RANBP2: variants seen among roughly 807,000 people sequenced by gnomAD.
RANBP2 encodes RAN binding protein 2.
Under a neutral mutation model 303.6 loss-of-function variants are expected in RANBP2, and 57 were observed. That is an observed-to-expected ratio of 0.19 (90% CI 0.15 to 0.23). The LOEUF is 0.23. Among genes scored for constraint, RANBP2 ranks in the 10% least tolerant of loss-of-function variants. The pLI, the probability that RANBP2 is intolerant of heterozygous loss-of-function variation, is 1.00. For missense variants in RANBP2, 3,138 were observed against 3,780.8 expected (o/e 0.83, Z 4.46); for synonymous variants, 1,167 against 1,301.5 (o/e 0.90, Z 2.23).
At chr2:109,087,021 C>T in the RANBP2 span, among the ~76,000 whole-genome samples, 1 of 152,170 alleles carries the variant, frequency 6.6e-6, no homozygotes, top group African/African-American at 2.4e-5. Flanking sequence ...GTTAAGAAGT[C>T]TTTTGAAAGC....
At chr2:109,192,010 C>T in the RANBP2 span, among the ~76,000 whole-genome samples, 1 of 152,160 alleles carries the variant, frequency 6.6e-6, no homozygotes, top group Non-Finnish European at 1.5e-5. Context: ...CACCTCAACC[C>T]CTGCAGTCAT....
chr2:109,335,021 G>A, the RANBP2 span, among the ~76,000 whole-genome samples: 7 of 152,366 alleles, frequency 4.6e-5, no homozygotes, highest in East Asian at 9.7e-4. Flanking sequence ...CCGCGTTGGC[G>A]ACTTACATGT....
chr2:109,063,394 G>A, the RANBP2 span, among the ~76,000 whole-genome samples: 1 of 152,096 alleles, frequency 6.6e-6, no homozygotes, highest in Non-Finnish European at 1.5e-5. Flanking sequence ...GACACAGTAG[G>A]GTCCACATCA....
At chr2:108,851,036 A>G in the RANBP2 span, among the ~76,000 whole-genome samples, 17 of 151,618 alleles carry the variant, frequency 1.1e-4, no homozygotes, top group Non-Finnish European at 2.4e-4. Flanking sequence ...CTTCTGACCA[A>G]CTGGCTTCAA....
the RANBP2 span, among the ~76,000 whole-genome samples, chr2:109,116,105 T>A: frequency 1.3e-5 from 2 of 152,306 alleles, no homozygotes; most frequent in Non-Finnish European, 2.9e-5. Flanking sequence ...GACAATTATG[T>A]GTCTTGGAGT....
At chr2:109,711,148 CT>C in the RANBP2 span, among the ~76,000 whole-genome samples, 9 of 152,060 alleles carry the variant, frequency 5.9e-5, no homozygotes, top group Non-Finnish European at 1.2e-4. Flanking sequence ...GCAGCGCAAC[CT>C]TGACATGGCC....
the RANBP2 span, among the ~76,000 whole-genome samples, chr2:109,137,230 C>T: frequency 6.6e-6 from 1 of 152,194 alleles, no homozygotes; most frequent in Non-Finnish European, 1.5e-5. Flanking sequence ...AGTGGGTTCT[C>T]ACCTCTTTTT....
At chr2:109,426,998 TCG>T in the RANBP2 span, among the ~76,000 whole-genome samples, 1 of 151,764 alleles carries the variant, frequency 6.6e-6, no homozygotes, top group Non-Finnish European at 1.5e-5. Context: ...GAGACGAGTC[TCG>T]CTCTGTCACC....
the RANBP2 span, among the ~76,000 whole-genome samples, chr2:109,589,534 A>C: frequency 6.6e-6 from 1 of 152,164 alleles, no homozygotes; most frequent in Non-Finnish European, 1.5e-5. Context: ...TGTCTCAAAA[A>C]AATTAATAAA....
chr2:109,550,669 A>G, the RANBP2 span, among the ~76,000 whole-genome samples: 1 of 152,186 alleles, frequency 6.6e-6, no homozygotes, highest in African/African-American at 2.4e-5. Flanking sequence ...CTGCTGAGCT[A>G]GCAGATGACT....
the RANBP2 span, among the ~76,000 whole-genome samples, chr2:109,714,587 A>T: frequency 3.3e-5 from 5 of 151,542 alleles, no homozygotes; most frequent in African/African-American, 1.2e-4. Flanking sequence ...GACGTGAGCC[A>T]CTGTGCCCGA....
chr2:109,360,763 A>G, the RANBP2 span, among the ~76,000 whole-genome samples: 2 of 152,246 alleles, frequency 1.3e-5, no homozygotes, highest in African/African-American at 4.8e-5. Flanking sequence ...TCATCTGTAA[A>G]CAAAGGCAGT....
chr2:108,727,603 A>ATTTTT (rs34554578), intron 1 of RANBP2, among the ~76,000 whole-genome samples: 3 of 119,734 alleles, frequency 2.5e-5, no homozygotes, highest in Admixed American at 8.5e-5. Context: ...TTGTATCAGC[A>ATTTTT]TTTTTTTTTT....
the RANBP2 span, among the ~76,000 whole-genome samples, chr2:109,259,901 G>A: frequency 7.9e-5 from 12 of 152,206 alleles, 1 homozygote; most frequent in African/African-American, 2.7e-4. Flanking sequence ...TGTCAGTCAT[G>A]TGTGTGCTAC....
At chr2:109,151,817 C>T in the RANBP2 span, among the ~76,000 whole-genome samples, 1 of 152,248 alleles carries the variant, frequency 6.6e-6, no homozygotes, top group African/African-American at 2.4e-5. Flanking sequence ...TTTGCATCTG[C>T]AAATTGTGGT....
chr2:108,944,724 C>G, the RANBP2 span, among the ~76,000 whole-genome samples: 1 of 152,120 alleles, frequency 6.6e-6, no homozygotes, highest in Admixed American at 6.5e-5. Flanking sequence ...GCTGCAGCAC[C>G]CCCACCGTGC....
At chr2:109,166,539 A>T in the RANBP2 span, among the ~76,000 whole-genome samples, 1 of 152,116 alleles carries the variant, frequency 6.6e-6, no homozygotes, top group African/African-American at 2.4e-5. Flanking sequence ...TCTCTGCTCA[A>T]TGTCAGCCAT....
chr2:109,505,102 G>A, the RANBP2 span, among the ~76,000 whole-genome samples: 171 of 152,314 alleles, frequency 1.1e-3, no homozygotes, highest in Non-Finnish European at 1.8e-3. Flanking sequence ...CCCTTGGGGC[G>A]CCTGAGCCAT....
the RANBP2 span, among the ~76,000 whole-genome samples, chr2:109,675,909 G>C: frequency 6.6e-6 from 1 of 152,296 alleles, no homozygotes; most frequent in Non-Finnish European, 1.5e-5. Flanking sequence ...CTGTTGTGAG[G>C]TTCCACCTCG....
Sources: allele counts gnomAD v4.1 joint callset (sites outside exome capture counted in the v4.1 genomes callset), GRCh38; gene constraint gnomAD v4.1.1; transcripts MANE v1.5; gene names NCBI Gene and HGNC (gene_info 2026-07-23, HGNC 2026-07-21).